Variants in PTPRJ observed in about 807,000 individuals in gnomAD.
PTPRJ encodes the protein receptor-type tyrosine-protein phosphatase eta.
In PTPRJ, 129 loss-of-function variants were observed where a neutral mutation model predicts 141.3. That is an observed-to-expected ratio of 0.91 (90% confidence interval 0.79 to 1.06). The LOEUF is 1.06. Ranked by LOEUF, PTPRJ falls within the 50% of genes least tolerant of loss-of-function variation. The pLI is 0.00. For synonymous variants in PTPRJ, 610 were observed against 640.5 expected, an observed-to-expected ratio of 0.95 and a Z score of 0.72; for missense variants, 1,601 against 1,679.7, an observed-to-expected ratio of 0.95 and a Z score of 0.82.
At position 48,042,929 on chromosome 11, in the gene PTPRJ, A is replaced by G. The variant is rs558193696; in HGVS notation, c.96+61921A>G. 2.6e-5 allele frequency among the ~76,000 whole-genome samples: 4 copies of G among 152,196 alleles called. No individual in the cohort carries two copies. In the South Asian group the frequency reaches 8.3e-4, roughly 32 times the overall value. ...GACCCAAAGAAACATAGATAGCCAT[A>G]TTTTCCAGTCCTGGAATCAGACTCA... On this transcript the variant is annotated intron_variant, in intron 1 of 24. Coordinates refer to ENST00000418331, the MANE Select transcript of PTPRJ (RefSeq NM_002843.4).
chr11:48,150,815 G>A (rs749160654), intron 18 of PTPRJ, among the ~76,000 whole-genome samples: 2 of 152,132 alleles, frequency 1.3e-5, no homozygotes, highest in African/African-American at 4.8e-5. Flanking sequence ...TCGTCCTCCT[G>A]TGCTGCCCTG....
At chr11:48,118,802 C>A (rs17198859) in intron 3 of PTPRJ, among the ~76,000 whole-genome samples, 70,462 of 151,912 alleles carry the variant, frequency 0.46, 19,536 homozygotes, top group Admixed American at 0.59. Flanking sequence ...CCAAAACCTT[C>A]CCAGAATCCC....
At chr11:48,061,401 A>G (rs1223927217) in intron 1 of PTPRJ, among the ~76,000 whole-genome samples, 2 of 152,148 alleles carry the variant, frequency 1.3e-5, no homozygotes, top group Non-Finnish European at 2.9e-5. Flanking sequence ...AAAGCCCTCT[A>G]TGGGGGATTG....
intron 1 of PTPRJ, among the ~76,000 whole-genome samples, chr11:48,105,182 C>G (rs1449412871): frequency 6.6e-6 from 1 of 152,130 alleles, no homozygotes; most frequent in African/African-American, 2.4e-5. Flanking sequence ...AAGCCTCTCC[C>G]TCCCCATCCC....
intron 1 of PTPRJ, among the ~76,000 whole-genome samples, chr11:48,031,398 C>G (rs1251414255): frequency 6.6e-6 from 1 of 152,150 alleles, no homozygotes; most frequent in East Asian, 1.9e-4. Context: ...GAATGACAAC[C>G]CTTATGGGAC....
At chr11:48,053,508 G>A (rs1291668541) in intron 1 of PTPRJ, among the ~76,000 whole-genome samples, 16 of 110,492 alleles carry the variant, frequency 1.4e-4, no homozygotes, top group South Asian at 9.8e-4. Context: ...ATAACTTCAC[G>A]GAAACTCTGA....
intron 1 of PTPRJ, among the ~76,000 whole-genome samples, chr11:48,106,733 T>C (rs12576464): frequency 0.15 from 22,923 of 151,188 alleles, 1,853 homozygotes; most frequent in East Asian, 0.28. Context: ...TAGTTTCTTT[T>C]TTTTCTTCTT....
chr11:48,053,252 T>TATATAATATATTTATATA (rs1386512796), intron 1 of PTPRJ, among the ~76,000 whole-genome samples: 4 of 82,286 alleles, frequency 4.9e-5, no homozygotes, highest in African/African-American at 2.4e-4. Flanking sequence ...ATTTATATAA[T>TATATAATATATTTATATA]ATATATAATA....
intron 1 of PTPRJ, among the ~76,000 whole-genome samples, chr11:48,086,799 G>C (rs971046616): frequency 6.6e-6 from 1 of 152,216 alleles, no homozygotes; most frequent in Non-Finnish European, 1.5e-5. Context: ...CAGAGCAGCA[G>C]TGCTTTAAAA....
chr11:48,128,411 A>G (rs1284634066), intron 7 of PTPRJ, among the ~76,000 whole-genome samples: 1 of 152,182 alleles, frequency 6.6e-6, no homozygotes, highest in Non-Finnish European at 1.5e-5. Context: ...ATGACCTGGT[A>G]TTCATATCCC....
At position 48,123,889 on chromosome 11, in the gene PTPRJ, C is replaced by T; in HGVS notation, c.874+19C>T. ...GGCTTGGGTGAGTTACAAAGGGTAC[C>T]TTCCGTCTCCCTTACTGGTTCTTAC... On this transcript the variant is annotated intron_variant, in intron 5 of 24. Transcript: ENST00000418331. The T allele has an allele frequency of 6.2e-7, 1 of 1,607,208 alleles. No homozygotes were observed. The highest frequency in any genetic ancestry group is 1.1e-5 in the South Asian group (1 of 90,624).
At chr11:48,071,477 C>T (rs1344885842) in intron 1 of PTPRJ, among the ~76,000 whole-genome samples, 12 of 151,082 alleles carry the variant, frequency 7.9e-5, no homozygotes, top group South Asian at 2.1e-4. Context: ...CCACCACGCC[C>T]GGCTAATTTT....
intron 1 of PTPRJ, among the ~76,000 whole-genome samples, chr11:48,067,526 AGAG>A (rs1855118555): frequency 6.6e-6 from 1 of 152,226 alleles, no homozygotes; most frequent in South Asian, 2.1e-4. Context: ...GAAATTTGAA[AGAG>A]AAGAGAGTCT....
chr11:48,054,275 G>T (rs1165703630), intron 1 of PTPRJ, among the ~76,000 whole-genome samples: 11 of 152,252 alleles, frequency 7.2e-5, no homozygotes, highest in Admixed American at 7.2e-4. Flanking sequence ...ACATGTCTGG[G>T]GCTAGACTTG....
intron 1 of PTPRJ, among the ~76,000 whole-genome samples, chr11:48,109,648 TC>T (rs536217796): frequency 7.1e-6 from 1 of 140,680 alleles, no homozygotes; most frequent in Non-Finnish European, 1.6e-5. Context: ...GGGCTTGGTA[TC>T]CCCCCCACCC....
intron 18 of PTPRJ, among the ~76,000 whole-genome samples, chr11:48,151,561 C>A (rs112259938): frequency 2.0e-5 from 3 of 150,620 alleles, no homozygotes; most frequent in Non-Finnish European, 1.5e-5. Flanking sequence ...CCCATTAACT[C>A]ATCATTTACA....
At chr11:48,084,287 T>C (rs1342707202) in intron 1 of PTPRJ, among the ~76,000 whole-genome samples, 1 of 152,152 alleles carries the variant, frequency 6.6e-6, no homozygotes, top group African/African-American at 2.4e-5. Flanking sequence ...GCGATTCTCC[T>C]GCTTCAGCAT....
intron 1 of PTPRJ, among the ~76,000 whole-genome samples, chr11:48,035,415 G>A (rs937937766): frequency 4.6e-5 from 7 of 152,140 alleles, no homozygotes; most frequent in Non-Finnish European, 7.3e-5. Flanking sequence ...TGTCAGCATC[G>A]GGATGAGCTG....
intron 1 of PTPRJ, among the ~76,000 whole-genome samples, chr11:48,056,142 C>T (rs998626711): frequency 3.3e-5 from 5 of 152,098 alleles, no homozygotes; most frequent in African/African-American, 7.2e-5. Flanking sequence ...TACTTTTGGG[C>T]GAAGGTGCCT....
Sources: allele counts gnomAD v4.1 joint callset (sites outside exome capture counted in the v4.1 genomes callset), GRCh38; gene constraint gnomAD v4.1.1; transcripts MANE v1.5; gene names NCBI Gene and HGNC (gene_info 2026-07-23, HGNC 2026-07-21).